Variants in FRY observed in about 807,000 individuals in gnomAD.
The protein encoded by FRY is FRY microtubule binding protein, also known as protein furry homolog.
In FRY, 128 loss-of-function variants were observed where a neutral mutation model predicts 348.4. The ratio of observed to expected loss-of-function variants is 0.37; its 90% CI spans 0.32 to 0.43. The LOEUF (loss-of-function observed/expected upper bound fraction) is 0.43, where lower values mean the gene tolerates loss of function less well. Ranked by LOEUF, FRY falls within the 20% of genes least tolerant of loss-of-function variation. The pLI, the probability that FRY is intolerant of heterozygous loss-of-function variation, is 1.00. For synonymous variants in FRY, 1,370 were observed against 1,374.7 expected, an observed-to-expected ratio of 1.00 and a Z score of 0.08; for missense variants, 2,736 against 3,695.2, an observed-to-expected ratio of 0.74 and a Z score of 6.73.
chr13:32,035,140 C>T (rs1262531454), intron 1 of FRY, among the ~76,000 whole-genome samples: 12 of 152,212 alleles, frequency 7.9e-5, no homozygotes, highest in Non-Finnish European at 1.5e-5. Context: ...TAATGCCCTC[C>T]TCCCTTCTAA....
intron 58 of FRY, among the ~76,000 whole-genome samples, chr13:32,279,071 A>T (rs1888687803): frequency 6.6e-6 from 1 of 152,342 alleles, no homozygotes; most frequent in Non-Finnish European, 1.5e-5. Context: ...GGCCCCATGG[A>T]GGACACACTC....
rs573100443 is a variant in FRY at position 32,278,589 on chromosome 13, A to C, written c.8469+41A>C. On this transcript the variant is annotated intron_variant, in intron 58 of 60. Coordinates refer to ENST00000542859, the MANE Select transcript of FRY (RefSeq NM_023037.3). ...TAGAATGGGTCTCTTGTGTGCTCTAACATTGTGTATTAGTTTTGGTCTACC... is the reference window on the plus strand; with the variant it reads ...TAGAATGGGTCTCTTGTGTGCTCTACCATTGTGTATTAGTTTTGGTCTACC... 96 of 1,045,068 alleles carry C rather than the reference A, an allele frequency of 9.2e-5. 2 individuals carry two copies. The South Asian group carries it at 1.2e-3, about 13-fold the overall frequency. The allele number at this position is 1,045,068 out of a possible 1,614,324, so 64.7% of individuals were successfully genotyped here.
intron 19 of FRY, among the ~76,000 whole-genome samples, chr13:32,174,464 T>G (rs1882262468): frequency 6.6e-6 from 1 of 152,200 alleles, no homozygotes; most frequent in East Asian, 1.9e-4. Context: ...TGTCAGGTAG[T>G]GTGCTAAGTG....
chr13:32,192,288 G>GTTTA (rs1254982421), intron 28 of FRY, among the ~76,000 whole-genome samples: 3 of 151,804 alleles, frequency 2.0e-5, no homozygotes, highest in Non-Finnish European at 4.4e-5. Context: ...TTGTTTGTTT[G>GTTTA]TTTATTTGTT....
intron 16 of FRY, among the ~76,000 whole-genome samples, chr13:32,158,951 CAAAAAAAA>C (rs35585320): frequency 6.1e-5 from 2 of 32,772 alleles, no homozygotes; most frequent in Admixed American, 4.1e-4. Flanking sequence ...GCTGTTTCCT[CAAAAAAAA>C]AAAAAAAAAA....
chr13:32,068,243 A>C (rs1874383044), intron 1 of FRY, among the ~76,000 whole-genome samples: 1 of 152,182 alleles, frequency 6.6e-6, no homozygotes, highest in Non-Finnish European at 1.5e-5. Flanking sequence ...TAAAATGAGC[A>C]AGCAGAAGAA....
rs1337672991 is a variant in FRY at position 32,237,664 on chromosome 13, C to T, written c.6096C>T (p.Ser2032=). The change falls in exon 44 of 61, where the codon TCC becomes TCT. Residue 2032 remains serine (S), a synonymous_variant. Coordinates refer to ENST00000542859, the MANE Select transcript of FRY (RefSeq NM_023037.3). The surrounding 1 kb of genome is among the most constrained non-coding windows in gnomAD (Gnocchi z 6.3). ...TGAAGGACAGTCTCACGGACCCATC[C>T]CACATAAACCATCCCACCAACCTGC... ...SSLKDSLTDP[S]HINHPTNLLA... 1.3e-5 allele frequency: 21 copies of T among 1,614,026 alleles called. No homozygotes were observed. The highest frequency in any genetic ancestry group is 1.7e-5 in the Admixed American group (1 of 59,996).
intron 1 of FRY, among the ~76,000 whole-genome samples, 156 bp downstream of exon 1, chr13:32,032,021 C>CTT (rs375968565): frequency 7.9e-6 from 1 of 126,814 alleles, no homozygotes; most frequent in Non-Finnish European, 1.6e-5. Flanking sequence ...TTCTTTCTTT[C>CTT]TTTTTCTTTC....
intron 14 of FRY, among the ~76,000 whole-genome samples, chr13:32,153,706 T>A (rs1182612000): frequency 6.6e-6 from 1 of 152,066 alleles, no homozygotes; most frequent in Non-Finnish European, 1.5e-5. Context: ...ACCTGATTTT[T>A]AAAAAAATAG....
intron 1 of FRY, chr13:32,060,929 C>T (rs544000458): frequency 8.0e-6 from 3 of 373,730 alleles, no homozygotes; most frequent in East Asian, 1.5e-4. Flanking sequence ...AGGTCTTTAG[C>T]ACCTGACTAA....
At chr13:32,241,727 T>C (rs1004646173) in intron 46 of FRY, among the ~76,000 whole-genome samples, 41 of 152,218 alleles carry the variant, frequency 2.7e-4, no homozygotes, top group African/African-American at 9.9e-4. Flanking sequence ...GATACACTTT[T>C]TAAAAAAATG....
At chr13:32,262,582 CTT>C (rs1458193451) in intron 53 of FRY, 107 bp downstream of exon 53, 1 of 825,006 alleles carries the variant, frequency 1.2e-6, no homozygotes, top group Non-Finnish European at 2.0e-6. Context: ...GAAAGACTAT[CTT>C]TATCTTTTTC....
At chr13:32,054,219 G>T (rs455502) in intron 1 of FRY, among the ~76,000 whole-genome samples, 92,116 of 146,822 alleles carry the variant, frequency 0.63, 28,691 homozygotes, top group Non-Finnish European at 0.64. Context: ...TTTTTTTTTT[G>T]TTGTTCTGTA....
Position 32,134,755 on chromosome 13 carries a change from T to A in FRY, c.886-149T>A, listed in dbSNP as rs906290858. 1.1e-5 allele frequency: 8 copies of A among 714,602 alleles called. No homozygotes were observed. In the African/African-American group the frequency reaches 1.4e-4, roughly 13 times the overall value. 44.3% of individuals were successfully genotyped at this position (714,602 alleles called of 1,614,324 possible). ...AAACATACAAATTTCAATACAAATGTTTGAATCCAGTGATTTTTAATAGAC... is the reference window on the plus strand; with the variant it reads ...AAACATACAAATTTCAATACAAATGATTGAATCCAGTGATTTTTAATAGAC... On this transcript the variant is annotated intron_variant, in intron 8 of 60. Transcript: ENST00000542859.
Position 32,234,685 on chromosome 13 carries a change from C to T in FRY, c.5639C>T (p.Pro1880Leu), listed in dbSNP as rs1886130096. 1 of 1,613,964 alleles carries T rather than the reference C, an allele frequency of 6.2e-7. No individual in the cohort carries two copies. The highest frequency in any genetic ancestry group is 8.5e-7 in the Non-Finnish European group (1 of 1,180,002). The change falls in exon 42 of 61, where the codon CCT becomes CTT. Residue 1880 changes from proline to leucine, a missense_variant. This residue lies in a region of FRY where 794 missense variants were observed against 977.0 expected (regional missense o/e 0.81). Transcript: ENST00000542859. ...SFQIFRALKQ[P>L]LSAHALSDLL... is the part of the protein sequence containing the mutation. ...CAGATATTCCGGGCCCTCAAGCAAC[C>T]TCTGTCAGCACATGCCTTATCTGAC...
rs750916971 is a variant in FRY at position 32,109,610 on chromosome 13, G to T, written c.324+7594G>T. ...AAAAGAGCAGAGTGCTGGGAATGAG[G>T]GTAGAAAGGTGGACTGAGCCCATTG... On this transcript the variant is annotated intron_variant, in intron 3 of 60. Transcript: ENST00000542859. Among the ~76,000 whole-genome samples, 13 of 152,222 alleles carry T rather than the reference G, an allele frequency of 8.5e-5. No individual in the cohort carries two copies. In the Middle Eastern group the frequency reaches 0.02, roughly 239 times the overall value.
At chr13:32,113,070 T>C (rs1310178599) in intron 3 of FRY, among the ~76,000 whole-genome samples, 2 of 152,236 alleles carry the variant, frequency 1.3e-5, no homozygotes, top group Non-Finnish European at 2.9e-5. Flanking sequence ...ATGAAACTAT[T>C]CTTAAATCTT....
intron 1 of FRY, among the ~76,000 whole-genome samples, chr13:32,070,794 T>C (rs1874601903): frequency 6.6e-6 from 1 of 152,334 alleles, no homozygotes; most frequent in African/African-American, 2.4e-5. Context: ...CCCATGCCTA[T>C]GTCCTGAATG....
At chr13:32,144,232 C>T (rs1297357652) in intron 11 of FRY, among the ~76,000 whole-genome samples, 1 of 146,588 alleles carries the variant, frequency 6.8e-6, no homozygotes, top group East Asian at 2.0e-4. Context: ...AAAAAAAAAA[C>T]TTCTACATAA....
Sources: gnomAD v4.1 joint callset for allele counts (sites outside exome capture counted in the v4.1 genomes callset) on GRCh38, gnomAD v4.1.1 for gene constraint, gnomAD v4.1.1 regional missense constraint, Gnocchi (gnomAD v3.1) non-coding constraint, MANE v1.5 for transcripts, NCBI Gene and HGNC (gene_info 2026-07-23, HGNC 2026-07-21) for gene names.